FAM135B: variants seen among roughly 807,000 people sequenced by gnomAD.
FAM135B encodes the protein protein FAM135B.
In FAM135B, 43 loss-of-function variants were observed where a neutral mutation model predicts 127.7. That is an observed-to-expected ratio of 0.34 (90% CI 0.26 to 0.43). The LOEUF is 0.43. Among genes scored for constraint, FAM135B ranks in the 20% least tolerant of loss-of-function variants. The probability of loss-of-function intolerance (pLI) is 1.00; values close to 1 mark genes in which losing one functional copy is unlikely to be tolerated. For missense variants in FAM135B, 1,558 were observed against 1,725.6 expected (o/e 0.90, Z 1.72); for synonymous variants, 670 against 665.1 (o/e 1.01, Z -0.11).
intron 1 of FAM135B, among the ~76,000 whole-genome samples, chr8:138,388,659 A>G (rs928817436): frequency 6.6e-6 from 1 of 152,248 alleles, no homozygotes; most frequent in African/African-American, 2.4e-5. Context: ...GCTATATACC[A>G]TATGATTCCA....
intron 7 of FAM135B, among the ~76,000 whole-genome samples, chr8:138,218,802 GAGGGAGAGAA>G (rs1818790301): frequency 4.7e-5 from 1 of 21,074 alleles, no homozygotes; most frequent in Non-Finnish European, 1.3e-4. Flanking sequence ...GAGAGAGAGA[GAGGGAGAGAA>G]AGAGAGAGAG....
chr8:138,164,880 G>A (rs2130878750), intron 12 of FAM135B, among the ~76,000 whole-genome samples: 2 of 152,232 alleles, frequency 1.3e-5, no homozygotes, highest in South Asian at 4.1e-4. Context: ...CCTATCTCAG[G>A]TTTTTGGGAT....
At chr8:138,324,029 T>A (rs1238238936) in intron 2 of FAM135B, among the ~76,000 whole-genome samples, 2 of 152,212 alleles carry the variant, frequency 1.3e-5, no homozygotes, top group Non-Finnish European at 2.9e-5. Context: ...CTTTCTTAAT[T>A]CTCTGTGCAC....
chr8:138,175,032 AC>A (rs1370237866), intron 11 of FAM135B, among the ~76,000 whole-genome samples: 2 of 152,180 alleles, frequency 1.3e-5, no homozygotes, highest in Admixed American at 6.5e-5. Context: ...TTCCCTTTAC[AC>A]CTAAAAAAAT....
intron 12 of FAM135B, among the ~76,000 whole-genome samples, chr8:138,162,984 C>T (rs1819542317): frequency 6.6e-6 from 1 of 152,190 alleles, no homozygotes; most frequent in African/African-American, 2.4e-5. Flanking sequence ...GAAAGTAAGT[C>T]AGTTGCCAAA....
At chr8:138,436,356 T>C (rs1011520935) in intron 1 of FAM135B, among the ~76,000 whole-genome samples, 1 of 152,200 alleles carries the variant, frequency 6.6e-6, no homozygotes, top group African/African-American at 2.4e-5. Flanking sequence ...TTTTATGCAA[T>C]GCATAGCGGC....
intron 3 of FAM135B, among the ~76,000 whole-genome samples, chr8:138,310,359 C>G (rs1039198887): frequency 1.3e-5 from 2 of 152,192 alleles, no homozygotes; most frequent in African/African-American, 2.4e-5. Context: ...TGTACTCCAG[C>G]CTTCTCAAGA....
chr8:138,218,766 C>CAGAG (rs34578685), intron 7 of FAM135B, among the ~76,000 whole-genome samples: 1,577 of 80,370 alleles, frequency 0.02, 9 homozygotes, highest in African/African-American at 0.024. Flanking sequence ...CACACACACA[C>CAGAG]AGAGAGAGAG....
At chr8:138,285,068 G>T (rs1175601025) in intron 3 of FAM135B, among the ~76,000 whole-genome samples, 1 of 146,394 alleles carries the variant, frequency 6.8e-6, no homozygotes, top group Non-Finnish European at 1.5e-5. Context: ...ATATAGAGAA[G>T]TCAAAGTATT....
chr8:138,362,814 T>C (rs1830512653), intron 2 of FAM135B, among the ~76,000 whole-genome samples: 1 of 152,242 alleles, frequency 6.6e-6, no homozygotes, highest in Non-Finnish European at 1.5e-5. Context: ...GCCTCTCTCA[T>C]TAGCTGGTAA....
At chr8:138,430,310 C>T (rs1459273631) in intron 1 of FAM135B, among the ~76,000 whole-genome samples, 1 of 152,168 alleles carries the variant, frequency 6.6e-6, no homozygotes, top group Non-Finnish European at 1.5e-5. Context: ...TATGCTTCTT[C>T]CGAAGCTCAG....
At position 138,308,640 on chromosome 8, in the gene FAM135B, T is replaced by TA. The variant is rs397756850; in HGVS notation, c.157+2200dup. Among the ~76,000 whole-genome samples the TA allele has an allele frequency of 6.6e-5, 10 of 151,642 alleles. 1 individual carries two copies. Among genetic ancestry groups the TA allele is most frequent in the Admixed American group, 2.6e-4 (4 of 15,214 alleles). On this transcript the variant is annotated intron_variant, in intron 3 of 19. Coordinates refer to ENST00000395297, the MANE Select transcript of FAM135B (RefSeq NM_015912.4). ...CTAGAAAAGAAAATAGTTTTTTTTT[T>TA]ATTTTCTTTGTCTCTGTGCAGCACT...
At chr8:138,215,430 T>G (rs1014766299) in intron 7 of FAM135B, among the ~76,000 whole-genome samples, 2 of 152,186 alleles carry the variant, frequency 1.3e-5, no homozygotes, top group Non-Finnish European at 2.9e-5. Flanking sequence ...CCATTTCCCT[T>G]ATATCTATAA....
chr8:138,351,153 G>A (rs546124759), intron 2 of FAM135B, among the ~76,000 whole-genome samples: 4 of 152,302 alleles, frequency 2.6e-5, no homozygotes, highest in Non-Finnish European at 4.4e-5. Context: ...AAAACTAGCA[G>A]ATGTCACCTG....
chr8:138,428,710 A>C (rs1177539248), intron 1 of FAM135B, among the ~76,000 whole-genome samples: 1 of 152,088 alleles, frequency 6.6e-6, no homozygotes, highest in Non-Finnish European at 1.5e-5. Flanking sequence ...CCACATGTTC[A>C]TGAGTCTTAG....
chr8:138,153,013 T>C lies in FAM135B; in HGVS notation c.1462A>G (p.Thr488Ala). The C allele has an allele frequency of 6.2e-7, 1 of 1,614,232 alleles. No homozygotes were observed. ...RCPEPGENVA[T>A]QNHMDMCSES... ...GAGCACATGTCCATATGATTTTGTG[T>C]GGCCACATTCTCACCTGGCTCTGGA... The change falls in exon 13 of 20, where the codon ACA (threonine) becomes GCA (alanine). Residue 488 changes from threonine (T) to alanine (A), a missense_variant. Transcript: ENST00000395297.
chr8:138,178,499 A>G (rs773529505), intron 10 of FAM135B, 36 bp downstream of exon 10: 2 of 1,609,790 alleles, frequency 1.2e-6, no homozygotes, highest in East Asian at 2.2e-5. Context: ...AATCAAATGC[A>G]TGTGATCAGA....
chr8:138,411,928 C>T (rs906519176), intron 1 of FAM135B, among the ~76,000 whole-genome samples: 1 of 152,162 alleles, frequency 6.6e-6, no homozygotes, highest in Non-Finnish European at 1.5e-5. Context: ...ATGGATGCAG[C>T]TGGAGGCCAT....
chr8:138,383,742 T>C (rs1490729653), intron 1 of FAM135B, among the ~76,000 whole-genome samples: 1 of 152,206 alleles, frequency 6.6e-6, no homozygotes, highest in Non-Finnish European at 1.5e-5. Context: ...ACTCTGATTT[T>C]TTATTCTTAA....
Sources: gnomAD v4.1 joint callset for allele counts (sites outside exome capture counted in the v4.1 genomes callset) on GRCh38, gnomAD v4.1.1 for gene constraint, MANE v1.5 for transcripts, NCBI Gene and HGNC (gene_info 2026-07-23, HGNC 2026-07-21) for gene names.